Variants in BTBD9 observed in about 807,000 individuals in gnomAD.
The protein encoded by BTBD9 is BTB/POZ domain-containing protein 9.
Under a neutral mutation model 64.3 loss-of-function variants are expected in BTBD9, and 49 were observed. The observed-to-expected ratio is 0.76, with a 90% confidence interval of 0.61 to 0.97. BTBD9 has a LOEUF of 0.97. Ranked by LOEUF, BTBD9 falls within the 50% of genes least tolerant of loss-of-function variation. BTBD9 has a pLI of 0.00. For synonymous variants in BTBD9, 260 were observed against 274.7 expected (o/e 0.95, Z 0.53); for missense variants, 598 against 762.1 (o/e 0.78, Z 2.53).
At chr6:38,522,550 A>G (rs563129294) in intron 6 of BTBD9, among the ~76,000 whole-genome samples, 1 of 152,328 alleles carries the variant, frequency 6.6e-6, no homozygotes, top group East Asian at 1.9e-4. Flanking sequence ...CTGCTTTGCC[A>G]CATTCTTTCA....
rs184156767 is a variant in BTBD9 at position 38,363,242 on chromosome 6, C to T, written c.1155-18149G>A. On this transcript the variant is annotated intron_variant, in intron 6 of 10. Coordinates refer to ENST00000481247, the MANE Select transcript of BTBD9 (RefSeq NM_001099272.2). ...TAGCTGGGACTACAGGTATGCACCA[C>T]TGCACTGGCCAACATCAACTTTTTA... Among the ~76,000 whole-genome samples the T allele has an allele frequency of 3.5e-3, 534 of 152,286 alleles. 4 individuals carry two copies. Among genetic ancestry groups the T allele is most frequent in the Non-Finnish European group, 5.2e-3 (353 of 68,024 alleles).
intron 9 of BTBD9, among the ~76,000 whole-genome samples, chr6:38,211,573 T>G (rs1310985574): frequency 6.6e-6 from 1 of 151,968 alleles, no homozygotes; most frequent in East Asian, 1.9e-4. Context: ...CGAAAGCCCA[T>G]CTCTACTAAA....
intron 6 of BTBD9, among the ~76,000 whole-genome samples, chr6:38,436,450 A>T (rs1013794814): frequency 1.4e-5 from 2 of 141,110 alleles, no homozygotes; most frequent in Non-Finnish European, 3.0e-5. Flanking sequence ...ATCTCGGCTC[A>T]CTGCAACCTC....
At position 38,310,803 on chromosome 6, in the gene BTBD9, T is replaced by TTTTG. The variant is rs544866899; in HGVS notation, c.1265-22346_1265-22343dup. Among the ~76,000 whole-genome samples, 58 of 152,062 alleles carry TTTTG rather than the reference T, an allele frequency of 3.8e-4. 1 individual carries two copies. In the East Asian group the frequency reaches 0.01, roughly 26 times the overall value. ...ATTATACCCTTCTAGCTTTGTTTTG[T>TTTTG]TTTGTTTTGTTTTGTTTTGTTTTTT... On this transcript the variant is annotated intron_variant, in intron 7 of 10. Transcript: ENST00000481247.
At chr6:38,220,638 TGAC>T (rs1263390562) in intron 9 of BTBD9, among the ~76,000 whole-genome samples, 1 of 152,262 alleles carries the variant, frequency 6.6e-6, no homozygotes, top group Non-Finnish European at 1.5e-5. Flanking sequence ...ACTTATTTGC[TGAC>T]ATCTTTATAA....
chr6:38,474,332 G>A (rs1036573409), intron 6 of BTBD9, among the ~76,000 whole-genome samples: 4 of 152,090 alleles, frequency 2.6e-5, no homozygotes, highest in African/African-American at 4.8e-5. Flanking sequence ...AGATCAGCTC[G>A]GCTAATATGG....
chr6:38,331,699 A>G (rs760061764), intron 7 of BTBD9, among the ~76,000 whole-genome samples: 6 of 152,028 alleles, frequency 3.9e-5, no homozygotes, highest in Admixed American at 3.9e-4. Context: ...TGTCTCAACA[A>G]CAATAACAAA....
intron 1 of BTBD9, among the ~76,000 whole-genome samples, chr6:38,603,478 C>G (rs2127502631): frequency 6.6e-6 from 1 of 152,338 alleles, no homozygotes; most frequent in Admixed American, 6.5e-5. Context: ...ATATGTAGTT[C>G]ATAATGCTGG....
rs550514478 is a variant in BTBD9, at chr6:38,606,948, TA to T, written c.-27-8828del. 2.5e-3 allele frequency among the ~76,000 whole-genome samples: 384 copies of T among 152,298 alleles called. 2 individuals are homozygous for T. The highest frequency in any genetic ancestry group is 8.6e-3 in the African/African-American group (357 of 41,572). On this transcript the variant is annotated intron_variant, in intron 1 of 10. Coordinates refer to ENST00000481247, the MANE Select transcript of BTBD9 (RefSeq NM_001099272.2). ...AAAACCTTGCTAAGTAAATGTAAGA[TA>T]TCAGAAATGATTCTGACTCTGACTT...
intron 7 of BTBD9, among the ~76,000 whole-genome samples, chr6:38,327,150 C>A (rs1398147182): frequency 1.3e-5 from 2 of 152,072 alleles, no homozygotes; most frequent in Non-Finnish European, 2.9e-5. Flanking sequence ...GTATATTTCC[C>A]TCTTGTAGCA....
At chr6:38,406,637 G>C (rs1213082589) in intron 6 of BTBD9, among the ~76,000 whole-genome samples, 1 of 152,178 alleles carries the variant, frequency 6.6e-6, no homozygotes. Context: ...ATCTTAATAA[G>C]AAGAATCACA....
At chr6:38,379,835 G>A (rs1336955387) in intron 6 of BTBD9, among the ~76,000 whole-genome samples, 1 of 152,292 alleles carries the variant, frequency 6.6e-6, no homozygotes, top group East Asian at 1.9e-4. Context: ...ATATTGGGAG[G>A]ATAGGGAAGG....
At chr6:38,232,725 C>T (rs1763652937) in intron 9 of BTBD9, among the ~76,000 whole-genome samples, 1 of 151,088 alleles carries the variant, frequency 6.6e-6, no homozygotes, top group Non-Finnish European at 1.5e-5. Flanking sequence ...TTTCAGACTC[C>T]TGGGCTCAAG....
At chr6:38,275,870 A>G (rs1413745564) in intron 8 of BTBD9, among the ~76,000 whole-genome samples, 2 of 151,954 alleles carry the variant, frequency 1.3e-5, no homozygotes, top group Non-Finnish European at 2.9e-5. Flanking sequence ...GAGGATGTGG[A>G]GAAATAGGAA....
chr6:38,297,730 T>C (rs1762209453), intron 7 of BTBD9, among the ~76,000 whole-genome samples: 1 of 152,216 alleles, frequency 6.6e-6, no homozygotes, highest in African/African-American at 2.4e-5. Context: ...CAGATTTACA[T>C]GACTCCCATT....
chr6:38,351,185 T>C (rs574411331), intron 6 of BTBD9, among the ~76,000 whole-genome samples: 1 of 152,322 alleles, frequency 6.6e-6, no homozygotes, highest in South Asian at 2.1e-4. Context: ...TTGTACTGAC[T>C]TCAGCAAAGG....
At chr6:38,436,401 G>A (rs1028590185) in intron 6 of BTBD9, among the ~76,000 whole-genome samples, 3 of 135,672 alleles carry the variant, frequency 2.2e-5, no homozygotes, top group African/African-American at 8.3e-5. Flanking sequence ...TTGAGACGGA[G>A]TTTCACTCTT....
chr6:38,307,628 C>T lies in BTBD9; in HGVS notation c.1265-19167G>A, dbSNP rs951351959. ...TAATCGATTTTTCCTTCTTTCTTTG[C>T]TATTTTGTCTGTTTAATTAGCATTA... On this transcript the variant is annotated intron_variant, in intron 7 of 10. Transcript: ENST00000481247. 4.6e-5 allele frequency among the ~76,000 whole-genome samples: 7 copies of T among 152,130 alleles called. 1 individual carries two copies. The highest frequency in any genetic ancestry group is 1.5e-5 in the Non-Finnish European group (1 of 68,012).
chr6:38,457,427 T>C (rs796558882), intron 6 of BTBD9, among the ~76,000 whole-genome samples: 8 of 152,174 alleles, frequency 5.3e-5, no homozygotes, highest in African/African-American at 1.9e-4. Flanking sequence ...TTAAGGTATA[T>C]TTTAGAGTTA....
Sources: gnomAD v4.1 joint callset for allele counts (sites outside exome capture counted in the v4.1 genomes callset) on GRCh38, gnomAD v4.1.1 for gene constraint, MANE v1.5 for transcripts, NCBI Gene and HGNC (gene_info 2026-07-23, HGNC 2026-07-21) for gene names.